Variants in ZNF596 observed in about 807,000 individuals in gnomAD.
The protein encoded by ZNF596 is zinc finger protein 596.
A neutral mutation model predicts 48.3 loss-of-function variants in ZNF596; 45 were observed. The observed-to-expected ratio is 0.93, with a 90% CI of 0.73 to 1.19. ZNF596 has a LOEUF of 1.19. ZNF596 is among the 50% of genes most tolerant of loss of function. The pLI, the probability that ZNF596 is intolerant of heterozygous loss-of-function variation, is 0.00. For synonymous variants in ZNF596, 270 were observed against 202.0 expected, an observed-to-expected ratio of 1.34 and a Z score of -2.85; for missense variants, 848 against 599.7, an observed-to-expected ratio of 1.41 and a Z score of -4.32.
intron 1 of ZNF596, among the ~76,000 whole-genome samples, chr8:236,351 G>A (rs925651016): frequency 6.6e-6 from 1 of 151,966 alleles, no homozygotes; most frequent in Non-Finnish European, 1.5e-5. Flanking sequence ...TTACAGTCAC[G>A]TCATCTGAGA....
chr8:237,032 T>G lies in ZNF596; in HGVS notation c.-72-3792T>G, dbSNP rs555884818. On this transcript the variant is annotated intron_variant, in intron 1 of 5. Coordinates refer to ENST00000398612, the MANE Select transcript of ZNF596 (RefSeq NM_001042416.3). The stretch of plus-strand genomic sequence containing the variant: ...ACTTTTACAGTTAAACTCTGATATA[T>G]AACTTAAACATTAAAATTGGCTAAT... The G allele has an allele frequency of 9.2e-5, 14 of 152,356 alleles. No homozygotes were observed. The South Asian group carries it at 2.9e-3, about 32-fold the overall frequency. The allele number at this position is 152,356 out of a possible 1,614,324, so 9.4% of individuals were successfully genotyped here.
rs1444094350 is a variant in ZNF596, at chr8:240,539, T to A, written c.-72-285T>A. 4 of 221,204 alleles carry A rather than the reference T, an allele frequency of 1.8e-5. No homozygotes were observed. In the South Asian group the frequency reaches 4.7e-4, roughly 26 times the overall value. The allele number at this position is 221,204 out of a possible 1,614,324, so 13.7% of individuals were successfully genotyped here. ...TCCATGATTCAGGGATTCTTAGGATTTGGAATCATAGAAGGAATTAAACAT... is the reference window on the plus strand; with the variant it reads ...TCCATGATTCAGGGATTCTTAGGATATGGAATCATAGAAGGAATTAAACAT... On this transcript the variant is annotated intron_variant, in intron 1 of 5. Coordinates refer to ENST00000398612, the MANE Select transcript of ZNF596 (RefSeq NM_001042416.3).
chr8:239,818 C>G (rs1584906441), intron 1 of ZNF596, among the ~76,000 whole-genome samples: 2 of 152,098 alleles, frequency 1.3e-5, no homozygotes, highest in South Asian at 2.1e-4. Flanking sequence ...GCCTCTGTCC[C>G]TTTCCCAAAG....
In ZNF596 at chr8:245,183, A is replaced by G. The variant is rs146219663; in HGVS notation, c.336A>G (p.Leu112=). The G allele has an allele frequency of 4.4e-6, 7 of 1,603,926 alleles. No homozygotes were observed. The highest frequency in any genetic ancestry group is 1.7e-5 in the Admixed American group (1 of 59,184). ...MRSHTQEDPF[L]CNDLGEDFTQ... ...CTCATACTCAAGAGGATCCTTTTCT[A>G]TGCAATGACTTAGGAGAAGATTTCA... The change falls in exon 6 of 6, where the codon CTA becomes CTG. Residue 112 remains leucine, a synonymous_variant. Transcript: ENST00000398612.
intron 1 of ZNF596, among the ~76,000 whole-genome samples, chr8:236,441 T>C (rs546100806): frequency 6.6e-6 from 1 of 152,286 alleles, no homozygotes; most frequent in South Asian, 2.1e-4. Flanking sequence ...ACCTCAGGCA[T>C]CATGTGCAGT....
intron 1 of ZNF596, among the ~76,000 whole-genome samples, chr8:238,995 GCTGAAGAATACAGTAA>G (rs566744936): frequency 6.6e-6 from 1 of 152,132 alleles, no homozygotes; most frequent in South Asian, 2.1e-4. Context: ...AGATTCTGGG[GCTGAAGAATACAGTAA>G]CTGAACTGGA....
chr8:242,382 G>A (rs76531964), intron 2 of ZNF596, among the ~76,000 whole-genome samples: 1 of 152,282 alleles, frequency 6.6e-6, no homozygotes, highest in South Asian at 2.1e-4. Flanking sequence ...GTGATAGATA[G>A]GAACCACTTT....
chr8:234,692 A>T (rs1292446543), intron 1 of ZNF596: 1 of 152,174 alleles, frequency 6.6e-6, no homozygotes, highest in Non-Finnish European at 1.5e-5. Context: ...CACATTTCCC[A>T]ACTCACCCAT....
At chr8:237,283 C>T (rs180702533) in intron 1 of ZNF596, 62 of 152,110 alleles carry the variant, frequency 4.1e-4, no homozygotes, top group Non-Finnish European at 7.5e-4. Context: ...TCTGTCAAAT[C>T]TGTTCATTCA....
At chr8:236,089 G>C (rs571690179) in intron 1 of ZNF596, among the ~76,000 whole-genome samples, 2 of 151,856 alleles carry the variant, frequency 1.3e-5, no homozygotes, top group Non-Finnish European at 2.9e-5. Context: ...GGATTTTCAG[G>C]CTTTATTCAT....
chr8:245,740 A>T lies in ZNF596; in HGVS notation c.893A>T (p.Glu298Val). Residue 298 changes from glutamate to valine, a missense_variant, in exon 6 of 6, where the codon GAG (glutamate) becomes GTG (valine). Physicochemically the swap from Glu to Val is moderately radical, Grantham distance 121 (BLOSUM62 -2). Transcript: ENST00000398612. The stretch of plus-strand genomic sequence containing the variant: ...CATTGCTCTGACCTTAGAAAACATG[A>T]GAGAACTCACTTAGGAGATAAACCA... ...FTHCSDLRKH[E>V]RTHLGDKPYG... 4.3e-6 allele frequency: 7 copies of T among 1,614,132 alleles called. No individual in the cohort carries two copies. The highest frequency in any genetic ancestry group is 5.9e-6 in the Non-Finnish European group (7 of 1,180,026).
chr8:232,784 A>C (rs1796462049), intron 1 of ZNF596, 90 bp downstream of exon 1: 2 of 431,174 alleles, frequency 4.6e-6, no homozygotes, highest in African/African-American at 2.1e-5. Flanking sequence ...GGCAGACGCC[A>C]GTCCTCCCTG....
intron 1 of ZNF596, among the ~76,000 whole-genome samples, chr8:239,213 G>T (rs919226230): frequency 6.6e-6 from 1 of 152,176 alleles, no homozygotes. Flanking sequence ...TGCCAATGCA[G>T]AGTCTTACTC....
intron 1 of ZNF596, among the ~76,000 whole-genome samples, chr8:235,334 G>T (rs1261889830): frequency 2.6e-5 from 4 of 152,164 alleles, no homozygotes; most frequent in Admixed American, 6.5e-5. Flanking sequence ...GGGCAAGTTG[G>T]GGGTTTGATC....
Position 245,261 on chromosome 8 carries a change from C to T in ZNF596, c.414C>T (p.His138=). The part of the protein sequence containing the change: ...QNVITYMRTK[H]FVSKKFGKIF... ...TGATTACCTACATGAGAACGAAACACTTTGTAAGCAAAAAGTTTGGGAAAA... is the reference window on the plus strand; with the variant it reads ...TGATTACCTACATGAGAACGAAACATTTTGTAAGCAAAAAGTTTGGGAAAA... Residue 138 remains histidine, a synonymous_variant, in exon 6 of 6, where the codon CAC becomes CAT. Transcript: ENST00000398612. The T allele has an allele frequency of 1.9e-6, 3 of 1,614,042 alleles. No individual in the cohort carries two copies. Among genetic ancestry groups the T allele is most frequent in the Non-Finnish European group, 2.5e-6 (3 of 1,179,996 alleles).
At chr8:233,047 G>A (rs1796478801) in intron 1 of ZNF596, 2 of 468,418 alleles carry the variant, frequency 4.3e-6, no homozygotes, top group Admixed American at 4.7e-5. Context: ...TGTGGATGTC[G>A]AGGTGGGGCA....
At chr8:242,575 G>A (rs1796897671) in intron 2 of ZNF596, among the ~76,000 whole-genome samples, 1 of 152,134 alleles carries the variant, frequency 6.6e-6, no homozygotes, top group Non-Finnish European at 1.5e-5. Flanking sequence ...GAGAATTTTA[G>A]TTCTAAATTT....
At chr8:244,533 A>C in intron 4 of ZNF596, 86 bp from the exon 5 acceptor site, 1 of 875,946 alleles carries the variant, frequency 1.1e-6, no homozygotes, top group South Asian at 1.5e-5. Flanking sequence ...GTGTATTTGA[A>C]ACACACTCAA....
intron 1 of ZNF596, chr8:237,166 C>G (rs1796650097): frequency 2.0e-5 from 3 of 152,096 alleles, no homozygotes; most frequent in Admixed American, 2.0e-4. Context: ...TTTTAAATTA[C>G]TACTTTTAAA....
Sources: gnomAD v4.1 joint callset for allele counts (sites outside exome capture counted in the v4.1 genomes callset) on GRCh38, gnomAD v4.1.1 for gene constraint, MANE v1.5 for transcripts, NCBI Gene and HGNC (gene_info 2026-07-23, HGNC 2026-07-21) for gene names.